The following CMYA5 variants were observed in gnomAD, a reference collection of about 807,000 sequenced individuals.
CMYA5 encodes the protein cardiomyopathy associated 5.
A neutral mutation model predicts 318.9 loss-of-function variants in CMYA5; 246 were observed. The observed-to-expected ratio is 0.77, with a 90% CI of 0.70 to 0.86. The LOEUF (loss-of-function observed/expected upper bound fraction) is 0.86. Ranked by LOEUF, CMYA5 falls within the 40% of genes least tolerant of loss-of-function variation. The pLI, the probability that CMYA5 is intolerant of heterozygous loss-of-function variation, is 0.00. For missense variants in CMYA5, 4,589 were observed against 4,678.2 expected (o/e 0.98, Z 0.56); for synonymous variants, 1,641 against 1,729.5 (o/e 0.95, Z 1.27).
At position 79,770,949 on chromosome 5, in the gene CMYA5, G is replaced by A. The variant is rs116158811; in HGVS notation, c.11555+7740G>A. ...GGGATGTAGGCATTTAAGCAGAAGCGTAAACATAATAAGTGTTCAAGAAAC... is the reference window on the plus strand; with the variant it reads ...GGGATGTAGGCATTTAAGCAGAAGCATAAACATAATAAGTGTTCAAGAAAC... On this transcript the variant is annotated intron_variant, in intron 9 of 12. Transcript: ENST00000446378. 7.7e-4 allele frequency among the ~76,000 whole-genome samples: 116 copies of A among 151,582 alleles called. 1 individual carries two copies. Among genetic ancestry groups the A allele is most frequent in the Non-Finnish European group, 4.4e-4 (30 of 67,920 alleles).
At chr5:79,761,315 T>A (rs1214265970) in intron 7 of CMYA5, among the ~76,000 whole-genome samples, 1 of 152,220 alleles carries the variant, frequency 6.6e-6, no homozygotes, top group Non-Finnish European at 1.5e-5. Context: ...CTGGAATTCA[T>A]GAGAAGAAAC....
chr5:79,789,100 C>T lies in CMYA5; in HGVS notation c.11685C>T (p.Thr3895=), dbSNP rs770802862. 31 of 1,613,822 alleles carry T rather than the reference C, an allele frequency of 1.9e-5. No individual in the cohort carries two copies. The highest frequency in any genetic ancestry group is 2.5e-5 in the Non-Finnish European group (29 of 1,179,816). Residue 3895 remains threonine (T), a synonymous_variant, in exon 10 of 13, where the codon ACC becomes ACT. Transcript: ENST00000446378. ...SEQSEAALIS[T]RGTRFLLLRE... is the part of the protein sequence containing the mutation. ...AGAGTGAAGCTGCTCTCATCTCCAC[C>T]AGAGGTACTTTCTCCTTTGCACACA...
intron 1 of CMYA5, among the ~76,000 whole-genome samples, chr5:79,728,636 A>G (rs890317957): frequency 6.6e-6 from 1 of 152,150 alleles, no homozygotes; most frequent in African/African-American, 2.4e-5. Flanking sequence ...CAGGAAGGCA[A>G]TCCTGATGAG....
intron 7 of CMYA5, among the ~76,000 whole-genome samples, chr5:79,759,718 G>A (rs963244212): frequency 6.6e-6 from 1 of 152,110 alleles, no homozygotes; most frequent in Non-Finnish European, 1.5e-5. Flanking sequence ...TGGCAGGCTT[G>A]GCGTCCTAAC....
At chr5:79,789,187 A>G in intron 10 of CMYA5, 83 bp downstream of exon 10, 1 of 1,466,902 alleles carries the variant, frequency 6.8e-7, no homozygotes, top group Non-Finnish European at 9.3e-7. Context: ...CTAGAGGGCA[A>G]CTTTATAAAC....
chr5:79,716,689 G>A (rs1472723791), intron 1 of CMYA5, among the ~76,000 whole-genome samples: 1 of 152,194 alleles, frequency 6.6e-6, no homozygotes, highest in Non-Finnish European at 1.5e-5. Flanking sequence ...ACAGGAAAAT[G>A]TTGACAAACA....
In CMYA5 at chr5:79,709,802, CA is replaced by C. The variant is rs1402239554; in HGVS notation, c.150-19104del. ...GTGAAACCCCGTGTCTACAAAAATA[CA>C]AAAAAAAATTAGCTGGGCCTTGTGG... On this transcript the variant is annotated intron_variant, in intron 1 of 12. Coordinates refer to ENST00000446378, the MANE Select transcript of CMYA5 (RefSeq NM_153610.5). Among the ~76,000 whole-genome samples the C allele has an allele frequency of 4.7e-4, 70 of 148,520 alleles. 1 individual carries two copies. The highest frequency in any genetic ancestry group is 6.7e-4 in the Admixed American group (10 of 14,898).
chr5:79,774,956 C>G (rs908988878), intron 9 of CMYA5, among the ~76,000 whole-genome samples: 2 of 152,218 alleles, frequency 1.3e-5, no homozygotes, highest in Admixed American at 1.3e-4. Context: ...CAGTGGTCAA[C>G]AGCAAGAGAT....
chr5:79,743,227 G>A (rs557429066), intron 2 of CMYA5, among the ~76,000 whole-genome samples: 5 of 152,196 alleles, frequency 3.3e-5, no homozygotes, highest in South Asian at 2.1e-4. Context: ...TTATAATTAC[G>A]GCTAAAGTGG....
chr5:79,731,350 A>C lies in CMYA5; in HGVS notation c.2585A>C (p.Glu862Ala), dbSNP rs1479862580. The change falls in exon 2 of 13, where the codon GAG becomes GCG. Residue 862 changes from glutamate (E) to alanine (A), a missense_variant. Physicochemically the swap from Glu to Ala is moderately radical, Grantham distance 107 (BLOSUM62 -1). Coordinates refer to ENST00000446378, the MANE Select transcript of CMYA5 (RefSeq NM_153610.5). ...CACTCTTTCCCACCACACACAACCG[A>C]GATGACTTCTGAATGCCAGGCCCCA... ...SEHSFPPHTT[E>A]MTSECQAPPL... 6.2e-7 allele frequency: 1 copy of C among 1,613,946 alleles called. No individual in the cohort carries two copies. The highest frequency in any genetic ancestry group is 1.7e-5 in the Admixed American group (1 of 60,004).
intron 9 of CMYA5, among the ~76,000 whole-genome samples, chr5:79,764,112 A>G (rs1488027800): frequency 6.6e-6 from 1 of 151,708 alleles, no homozygotes; most frequent in Non-Finnish European, 1.5e-5. Flanking sequence ...TCAACCTGTC[A>G]TCTGTATTCG....
At chr5:79,758,604 T>A (rs962677510) in intron 6 of CMYA5, 149 bp from the exon 7 acceptor site, 8 of 403,550 alleles carry the variant, frequency 2.0e-5, no homozygotes, top group East Asian at 1.2e-4. Flanking sequence ...ATAATTGGGG[T>A]TGGGGGTTTG....
chr5:79,741,810 T>G lies in CMYA5; in HGVS notation c.10639-2017T>G, dbSNP rs367755781. Among the ~76,000 whole-genome samples the G allele has an allele frequency of 6.6e-5, 10 of 152,336 alleles. No individual in the cohort carries two copies. The East Asian group carries it at 1.2e-3, about 18-fold the overall frequency. ...CTAAGTATTATCAATTTAAAACAAATTTTATAAGTAGAGAGATATGATGTC... is the reference window on the plus strand; with the variant it reads ...CTAAGTATTATCAATTTAAAACAAAGTTTATAAGTAGAGAGATATGATGTC... On this transcript the variant is annotated intron_variant, in intron 2 of 12. Coordinates refer to ENST00000446378, the MANE Select transcript of CMYA5 (RefSeq NM_153610.5).
chr5:79,756,103 A>G (rs1333923797), intron 6 of CMYA5, among the ~76,000 whole-genome samples: 1 of 152,202 alleles, frequency 6.6e-6, no homozygotes, highest in African/African-American at 2.4e-5. Context: ...AGACCTGGGT[A>G]ACATGAAAAT....
At chr5:79,762,199 C>A (rs910292059) in intron 8 of CMYA5, 6 of 419,234 alleles carry the variant, frequency 1.4e-5, no homozygotes, top group Middle Eastern at 6.1e-4. Flanking sequence ...CAGATATACA[C>A]AGGTTATTAT....
At chr5:79,790,948 A>C in intron 10 of CMYA5, 22 bp from the exon 11 acceptor site, 1 of 1,536,466 alleles carries the variant, frequency 6.5e-7, no homozygotes. Context: ...ATGTTTTAAT[A>C]CTATTTTCTC....
intron 3 of CMYA5, 54 bp downstream of exon 3, chr5:79,743,976 T>A: frequency 2.3e-6 from 2 of 876,480 alleles, no homozygotes; most frequent in Non-Finnish European, 3.5e-6. Flanking sequence ...GTATCAGAAG[T>A]AAATGATTCT....
chr5:79,741,814 A>T (rs576511225), intron 2 of CMYA5, among the ~76,000 whole-genome samples: 1 of 152,224 alleles, frequency 6.6e-6, no homozygotes, highest in African/African-American at 2.4e-5. Context: ...AACAAATTTT[A>T]TAAGTAGAGA....
Position 79,730,764 on chromosome 5 carries a change from C to A in CMYA5, c.1999C>A (p.Pro667Thr). The change falls in exon 2 of 13, where the codon CCA becomes ACA. Residue 667 changes from proline (P) to threonine (T), a missense_variant. Transcript: ENST00000446378. ...TTEKTSENQS[P>T]LFSTVTPEYM... ...TGAGAAGACTTCAGAGAACCAGTCT[C>A]CACTGTTTTCAACAGTTACACCAGA... The A allele has an allele frequency of 6.2e-7, 1 of 1,613,918 alleles. No homozygotes were observed.
Sources: allele counts gnomAD v4.1 joint callset (sites outside exome capture counted in the v4.1 genomes callset), GRCh38; gene constraint gnomAD v4.1.1; transcripts MANE v1.5; gene names NCBI Gene and HGNC (gene_info 2026-07-23, HGNC 2026-07-21).